The following SCML2 variants were observed in gnomAD, a reference collection of about 807,000 sequenced individuals.
SCML2 encodes sex comb on midleg-like protein 2.
Under a neutral mutation model 48.4 loss-of-function variants are expected in SCML2, and 6 were observed. The ratio of observed to expected loss-of-function variants is 0.12; its 90% CI spans 0.07 to 0.24. The LOEUF is 0.24. Ranked by LOEUF, SCML2 falls within the 10% of genes least tolerant of loss-of-function variation. SCML2 has a pLI of 1.00. For synonymous variants in SCML2, 181 were observed against 189.5 expected (o/e 0.95, Z 0.37); for missense variants, 377 against 528.2 (o/e 0.71, Z 2.81).
intron 7 of SCML2, among the ~76,000 whole-genome samples, chrX:18,303,529 A>G (rs904886550): frequency 8.9e-6 from 1 of 111,850 alleles, no homozygotes; most frequent in African/African-American, 3.3e-5. Context: ...CCTCCAGCCA[A>G]GACTGGAAGA....
chrX:18,289,183 G>A (rs1399250645), intron 7 of SCML2, among the ~76,000 whole-genome samples: 1 of 112,080 alleles, frequency 8.9e-6, no homozygotes, highest in Non-Finnish European at 1.9e-5. Flanking sequence ...AGTCTCAAGA[G>A]AACTTGCTAA....
rs779536365 is a variant in SCML2 at position 18,304,964 on chromosome X, T to C, written c.730+8A>G. On this transcript the variant is annotated splice_region_variant and intron_variant, in intron 7 of 14. Transcript: ENST00000251900. ...AGTAGAAGAAAAAGTAGTTAATTAT[T>C]ATCTTACCACTAGTTCCTGGGGGTT... is the stretch of plus-strand genomic sequence containing the variant. The C allele has an allele frequency of 3.3e-6, 4 of 1,199,085 alleles. No individual in the cohort carries two copies. The South Asian group carries it at 7.4e-5, about 22-fold the overall frequency.
intron 7 of SCML2, among the ~76,000 whole-genome samples, chrX:18,300,816 C>T (rs1928563786): frequency 9.2e-6 from 1 of 108,811 alleles, no homozygotes; most frequent in Admixed American, 9.8e-5. Context: ...AAAAAAAAAT[C>T]ATTAGGTTGG....
intron 1 of SCML2, among the ~76,000 whole-genome samples, chrX:18,349,291 A>G (rs2147574400): frequency 8.9e-6 from 1 of 112,328 alleles, no homozygotes; most frequent in East Asian, 2.8e-4. Context: ...ACAGGTCACA[A>G]GTAGTAGGTA....
intron 7 of SCML2, among the ~76,000 whole-genome samples, chrX:18,272,245 T>C (rs932541807): frequency 1.6e-4 from 18 of 112,235 alleles, no homozygotes; most frequent in African/African-American, 5.5e-4. Context: ...TAAGAGTGAC[T>C]TTACCTCTCC....
chrX:18,303,405 T>C (rs1216915481), intron 7 of SCML2, among the ~76,000 whole-genome samples: 1 of 111,783 alleles, frequency 8.9e-6, no homozygotes, highest in African/African-American at 3.3e-5. Flanking sequence ...TTTTGCACTT[T>C]TGTTATGTAT....
At chrX:18,265,197 T>G (rs1422749600) in intron 8 of SCML2, among the ~76,000 whole-genome samples, 1 of 112,056 alleles carries the variant, frequency 8.9e-6, no homozygotes, top group African/African-American at 3.2e-5. Context: ...TAGAGTTGAC[T>G]CCAGCATTAT....
intron 1 of SCML2, among the ~76,000 whole-genome samples, chrX:18,346,935 T>A (rs1390516487): frequency 8.9e-6 from 1 of 111,744 alleles, no homozygotes; most frequent in Non-Finnish European, 1.9e-5. Context: ...ATAGAAAAAG[T>A]GTATATTCCA....
chrX:18,329,884 C>T (rs1225661529), intron 3 of SCML2, among the ~76,000 whole-genome samples: 1 of 111,838 alleles, frequency 8.9e-6, no homozygotes, highest in East Asian at 2.8e-4. Context: ...TTGAGACCAG[C>T]CTAGCCAGCA....
intron 7 of SCML2, among the ~76,000 whole-genome samples, chrX:18,298,264 A>G (rs1928461663): frequency 9.0e-6 from 1 of 111,664 alleles, no homozygotes; most frequent in Admixed American, 9.5e-5. Flanking sequence ...AATAGAAAAA[A>G]CAATCCTAAA....
At chrX:18,351,070 G>C (rs1006188187) in intron 1 of SCML2, among the ~76,000 whole-genome samples, 1 of 110,654 alleles carries the variant, frequency 9.0e-6, no homozygotes, top group Non-Finnish European at 1.9e-5. Context: ...GGAGTTTTGA[G>C]ACCAGCCTGG....
intron 1 of SCML2, among the ~76,000 whole-genome samples, chrX:18,345,861 C>T (rs1930182510): frequency 9.2e-6 from 1 of 108,723 alleles, no homozygotes; most frequent in African/African-American, 3.4e-5. Flanking sequence ...CCCCTACCCC[C>T]GACACACACA....
At chrX:18,261,493 A>C (rs762918127) in intron 8 of SCML2, among the ~76,000 whole-genome samples, 4 of 110,414 alleles carry the variant, frequency 3.6e-5, no homozygotes, top group Non-Finnish European at 5.6e-5. Context: ...AAGGGGAGGA[A>C]GAAAATGACA....
intron 1 of SCML2, among the ~76,000 whole-genome samples, chrX:18,345,400 ATTT>A (rs1031813656): frequency 3.7e-5 from 4 of 108,377 alleles, no homozygotes; most frequent in African/African-American, 1.3e-4. Context: ...TTTAAAAACA[ATTT>A]TTTTTTTGAA....
intron 11 of SCML2, 101 bp from the exon 12 acceptor site, chrX:18,247,983 C>T: frequency 4.1e-6 from 2 of 492,052 alleles, no homozygotes; most frequent in East Asian, 3.6e-5. Flanking sequence ...CATCATTTGC[C>T]TACAATACCT....
intron 6 of SCML2, among the ~76,000 whole-genome samples, chrX:18,306,249 C>T (rs961541460): frequency 2.7e-5 from 3 of 110,676 alleles, no homozygotes; most frequent in Non-Finnish European, 5.7e-5. Flanking sequence ...AGAACCACTA[C>T]CCTAGATTCA....
chrX:18,334,536 C>G lies in SCML2; in HGVS notation c.-24-441G>C, dbSNP rs891876100. Among the ~76,000 whole-genome samples the G allele has an allele frequency of 4.5e-5, 5 of 111,511 alleles. No individual in the cohort carries two copies. The Admixed American group carries it at 4.8e-4, about 11-fold the overall frequency. ...AGCCCACTTCTGCTACATCATGTTG[C>G]CAAGAGGTACAAGAATTATGACCGT... On this transcript the variant is annotated intron_variant, in intron 1 of 14. Transcript: ENST00000251900.
intron 3 of SCML2, among the ~76,000 whole-genome samples, chrX:18,327,207 T>C (rs1394294621): frequency 3.0e-5 from 3 of 101,336 alleles, no homozygotes; most frequent in African/African-American, 1.1e-4. Flanking sequence ...CCGTTTCTAC[T>C]AAAAAAAAAA....
chrX:18,325,917 T>C (rs1001990495), intron 3 of SCML2, among the ~76,000 whole-genome samples: 4 of 112,445 alleles, frequency 3.6e-5, no homozygotes, highest in Non-Finnish European at 5.6e-5. Context: ...CTTCAAAAGA[T>C]ATTATACTTA....
Sources: allele counts gnomAD v4.1 joint callset (sites outside exome capture counted in the v4.1 genomes callset), GRCh38; gene constraint gnomAD v4.1.1; transcripts MANE v1.5; gene names NCBI Gene and HGNC (gene_info 2026-07-23, HGNC 2026-07-21).